ZNF618: variants seen among roughly 807,000 people sequenced by gnomAD.
ZNF618 encodes the protein zinc finger protein 618.
ZNF618 carries 34 observed loss-of-function variants against 103.0 expected under a neutral mutation model. That is an observed-to-expected ratio of 0.33 (90% CI 0.25 to 0.44). The LOEUF is 0.44. Among genes scored for constraint, ZNF618 ranks in the 20% least tolerant of loss-of-function variants. The pLI is 1.00. For missense variants in ZNF618, 1,059 were observed against 1,295.4 expected, an observed-to-expected ratio of 0.82 and a Z score of 2.80; for synonymous variants, 551 against 542.2, an observed-to-expected ratio of 1.02 and a Z score of -0.23.
At chr9:113,946,793 C>T (rs937862816) in intron 1 of ZNF618, among the ~76,000 whole-genome samples, 1 of 152,146 alleles carries the variant, frequency 6.6e-6, no homozygotes, top group Non-Finnish European at 1.5e-5. Context: ...TGTTCTTGGA[C>T]TCATCTGTCC....
chr9:113,926,792 C>T (rs79919212), intron 1 of ZNF618, among the ~76,000 whole-genome samples: 1,716 of 152,262 alleles, frequency 0.011, 30 homozygotes, highest in African/African-American at 0.039. Flanking sequence ...ATGGGTGGAT[C>T]GCTTGAGCTC....
intron 1 of ZNF618, among the ~76,000 whole-genome samples, chr9:113,928,545 G>A (rs993120570): frequency 6.6e-5 from 10 of 152,208 alleles, no homozygotes; most frequent in African/African-American, 2.4e-4. Context: ...GGATATTAGT[G>A]TGAAGTTTTA....
intron 3 of ZNF618, among the ~76,000 whole-genome samples, chr9:113,992,181 G>T (rs191640710): frequency 6.6e-6 from 1 of 152,180 alleles, no homozygotes. Context: ...TCTAAAGGGT[G>T]GCATGATTGA....
chr9:113,931,811 AT>A, intron 1 of ZNF618, among the ~76,000 whole-genome samples: 1 of 152,208 alleles, frequency 6.6e-6, no homozygotes. Flanking sequence ...AGTAAAATTA[AT>A]TTCACTGTTT....
chr9:113,950,146 G>A (rs902181789), intron 1 of ZNF618, among the ~76,000 whole-genome samples: 1 of 152,210 alleles, frequency 6.6e-6, no homozygotes, highest in African/African-American at 2.4e-5. Context: ...TAAAAGCAGC[G>A]GTTATGGTTT....
At chr9:113,978,359 T>C (rs1838677207) in intron 2 of ZNF618, among the ~76,000 whole-genome samples, 1 of 152,260 alleles carries the variant, frequency 6.6e-6, no homozygotes, top group South Asian at 2.1e-4. Flanking sequence ...CACTAAAAGC[T>C]GGAGACTCTT....
intron 2 of ZNF618, among the ~76,000 whole-genome samples, chr9:113,985,815 C>G (rs563035049): frequency 3.3e-5 from 5 of 152,284 alleles, no homozygotes; most frequent in African/African-American, 9.6e-5. Context: ...TGCCACAGTT[C>G]CTAGACTGTA....
At position 113,951,462 on chromosome 9, in the gene ZNF618, T is replaced by C. The variant is rs1487017944; in HGVS notation, c.34-17655T>C. On this transcript the variant is annotated intron_variant, in intron 1 of 14. Transcript: ENST00000374126. ...ATATACATATATGTGTATATATACA[T>C]ATATGTGTGTATGTGTACACATATA... Among the ~76,000 whole-genome samples the C allele has an allele frequency of 6.7e-5, 6 of 89,724 alleles. 1 individual carries two copies. Among genetic ancestry groups the C allele is most frequent in the Non-Finnish European group, 9.3e-5 (4 of 43,206 alleles). The allele number at this position is 89,724 out of a possible 152,430, so 58.9% of individuals were successfully genotyped here.
intron 1 of ZNF618, among the ~76,000 whole-genome samples, chr9:113,965,274 A>G (rs1402064958): frequency 6.6e-6 from 1 of 152,192 alleles, no homozygotes; most frequent in Non-Finnish European, 1.5e-5. Flanking sequence ...ATGTCTTACA[A>G]CTTACATTTG....
chr9:113,879,135 G>A (rs926337363), intron 1 of ZNF618, among the ~76,000 whole-genome samples: 1 of 148,262 alleles, frequency 6.7e-6, no homozygotes, highest in African/African-American at 2.5e-5. Flanking sequence ...GAAGGCCTGA[G>A]TTTAGCAGTG....
intron 1 of ZNF618, among the ~76,000 whole-genome samples, chr9:113,882,085 A>G (rs973631835): frequency 6.6e-5 from 10 of 152,224 alleles, no homozygotes; most frequent in Non-Finnish European, 1.3e-4. Context: ...GAGGAGAGGA[A>G]GGAGATCAGA....
At chr9:113,886,873 T>C (rs1829115823) in intron 1 of ZNF618, among the ~76,000 whole-genome samples, 2 of 151,256 alleles carry the variant, frequency 1.3e-5, no homozygotes, top group Admixed American at 1.3e-4. Flanking sequence ...ATAAAAGTAA[T>C]AATTTGAAAA....
In ZNF618 at chr9:114,016,800, C is replaced by A; in HGVS notation, c.844+16C>A. 1.2e-6 allele frequency: 2 copies of A among 1,602,030 alleles called. No individual in the cohort carries two copies. Among genetic ancestry groups the A allele is most frequent in the Admixed American group, 1.7e-5 (1 of 59,122 alleles). On this transcript the variant is annotated intron_variant, in intron 10 of 14. Coordinates refer to ENST00000374126, the MANE Select transcript of ZNF618 (RefSeq NM_001318042.2). The stretch of plus-strand genomic sequence containing the variant: ...GCCCCCATCAGTGAGTACCTCCTCC[C>A]GGTAGGGATGGGGGTTGGGGGACCC...
At chr9:113,967,401 G>A (rs1022740243) in intron 1 of ZNF618, among the ~76,000 whole-genome samples, 11 of 152,160 alleles carry the variant, frequency 7.2e-5, no homozygotes, top group Non-Finnish European at 1.6e-4. Flanking sequence ...TACATGGGCA[G>A]CTCATTAATT....
chr9:113,878,807 A>G (rs572097621), intron 1 of ZNF618, among the ~76,000 whole-genome samples: 1 of 152,196 alleles, frequency 6.6e-6, no homozygotes, highest in Non-Finnish European at 1.5e-5. Flanking sequence ...GCCCCAGTCC[A>G]TAGATTCCCA....
intron 1 of ZNF618, among the ~76,000 whole-genome samples, chr9:113,967,533 G>A (rs944082134): frequency 3.3e-5 from 5 of 152,118 alleles, no homozygotes; most frequent in East Asian, 1.9e-4. Context: ...CCTGAATGTC[G>A]GTGGGAAGTA....
chr9:113,958,234 GA>G (rs1259500665), intron 1 of ZNF618, among the ~76,000 whole-genome samples: 2 of 152,178 alleles, frequency 1.3e-5, no homozygotes, highest in Non-Finnish European at 2.9e-5. Context: ...TTTGGACTCG[GA>G]GTATCTGGGT....
rs758986653 is a variant in ZNF618, at chr9:114,036,391, G to A, written c.1246+14G>A. Reference sequence around the variant, plus strand: ...AGTCCCATGCAGGTAAGTAGGATACGGCTTCTCTCCCCCTCTCCTTCCTCA... The same window carrying A: ...AGTCCCATGCAGGTAAGTAGGATACAGCTTCTCTCCCCCTCTCCTTCCTCA... On this transcript the variant is annotated intron_variant, in intron 13 of 14. Transcript: ENST00000374126. 99 of 1,565,158 alleles carry A rather than the reference G, an allele frequency of 6.3e-5. No individual in the cohort carries two copies. Among genetic ancestry groups the A allele is most frequent in the East Asian group, 2.6e-4 (11 of 42,228 alleles).
chr9:113,972,126 C>T (rs1307465516), intron 2 of ZNF618, among the ~76,000 whole-genome samples: 1 of 152,170 alleles, frequency 6.6e-6, no homozygotes, highest in Non-Finnish European at 1.5e-5. Flanking sequence ...CTGCTCACTG[C>T]ATCCTCTACC....
Sources: allele counts gnomAD v4.1 joint callset (sites outside exome capture counted in the v4.1 genomes callset), GRCh38; gene constraint gnomAD v4.1.1; transcripts MANE v1.5; gene names NCBI Gene and HGNC (gene_info 2026-07-23, HGNC 2026-07-21).